The following TSHR variants were observed in gnomAD, a reference collection of about 807,000 sequenced individuals.
TSHR encodes the protein thyroid stimulating hormone receptor, also known as thyrotropin receptor.
Under a neutral mutation model 64.1 loss-of-function variants are expected in TSHR, and 51 were observed. That is an observed-to-expected ratio of 0.80 (90% CI 0.64 to 1.01). TSHR has a LOEUF of 1.01. Ranked by LOEUF, TSHR falls within the 50% of genes least tolerant of loss-of-function variation. The probability of loss-of-function intolerance (pLI) is 0.00; values close to 1 mark genes in which losing one functional copy is unlikely to be tolerated. For synonymous variants in TSHR, 361 were observed against 361.9 expected, an observed-to-expected ratio of 1.00 and a Z score of 0.03; for missense variants, 877 against 942.8, an observed-to-expected ratio of 0.93 and a Z score of 0.91.
At chr14:81,096,134 T>C (rs1889171514) in intron 6 of TSHR, among the ~76,000 whole-genome samples, 1 of 152,030 alleles carries the variant, frequency 6.6e-6, no homozygotes, top group Non-Finnish European at 1.5e-5. Flanking sequence ...CCCATAACCC[T>C]TAAACATTTA....
At chr14:81,085,643 T>G (rs990141119) in intron 3 of TSHR, among the ~76,000 whole-genome samples, 6 of 152,206 alleles carry the variant, frequency 3.9e-5, no homozygotes, top group Non-Finnish European at 7.3e-5. Context: ...CCAGGTGGGC[T>G]GCATTTTCTT....
At chr14:81,068,559 C>A in intron 3 of TSHR, 3 of 506,546 alleles carry the variant, frequency 5.9e-6, no homozygotes, top group Non-Finnish European at 1.1e-5. Flanking sequence ...GTTCTTGAAC[C>A]ACTATCTGTT....
At chr14:80,960,185 T>C (rs924410183) in intron 1 of TSHR, among the ~76,000 whole-genome samples, 2 of 152,230 alleles carry the variant, frequency 1.3e-5, no homozygotes, top group Admixed American at 6.5e-5. Flanking sequence ...CACTGTGTGA[T>C]TCACGGTTAT....
intron 2 of TSHR, among the ~76,000 whole-genome samples, chr14:81,064,597 T>C (rs1056451309): frequency 6.6e-6 from 1 of 152,078 alleles, no homozygotes; most frequent in Admixed American, 6.6e-5. Context: ...GGAGTTTCCA[T>C]TTGAATGGGA....
intron 8 of TSHR, among the ~76,000 whole-genome samples, chr14:81,125,165 C>A (rs1484424261): frequency 6.6e-6 from 1 of 152,148 alleles, no homozygotes; most frequent in Non-Finnish European, 1.5e-5. Context: ...CATGCCATTT[C>A]TAGTTAGGGT....
At chr14:81,042,099 C>T (rs895921773) in intron 1 of TSHR, among the ~76,000 whole-genome samples, 2 of 152,086 alleles carry the variant, frequency 1.3e-5, no homozygotes, top group Non-Finnish European at 2.9e-5. Flanking sequence ...TGAGATATCA[C>T]CTTGCCCCAA....
At chr14:81,010,885 G>A (rs1889865593) in intron 1 of TSHR, among the ~76,000 whole-genome samples, 1 of 149,080 alleles carries the variant, frequency 6.7e-6, no homozygotes, top group African/African-American at 2.5e-5. Flanking sequence ...ATCTTAAACT[G>A]AAGTTGGGTA....
chr14:81,054,451 T>A (rs1054718805), intron 1 of TSHR, among the ~76,000 whole-genome samples: 1 of 152,160 alleles, frequency 6.6e-6, no homozygotes, highest in Non-Finnish European at 1.5e-5. Flanking sequence ...TGGAACTGGG[T>A]AACAGGCAGA....
intron 1 of TSHR, chr14:80,981,957 A>T: frequency 3.4e-6 from 1 of 297,520 alleles, no homozygotes; most frequent in Non-Finnish European, 7.0e-6. Flanking sequence ...CAAGGACAAG[A>T]TGGACAGGGC....
chr14:80,962,113 C>A (rs1474333211), intron 1 of TSHR, among the ~76,000 whole-genome samples: 2 of 152,126 alleles, frequency 1.3e-5, no homozygotes, highest in African/African-American at 4.8e-5. Context: ...GTTTCTCCAT[C>A]TATAAAAAAA....
intron 1 of TSHR, among the ~76,000 whole-genome samples, chr14:80,989,023 A>G (rs1266915900): frequency 6.6e-6 from 1 of 152,196 alleles, no homozygotes; most frequent in Non-Finnish European, 1.5e-5. Context: ...ATTTCTGTCT[A>G]GTTGTCTGGG....
intron 1 of TSHR, among the ~76,000 whole-genome samples, chr14:81,045,819 A>G (rs557605239): frequency 1.3e-5 from 2 of 152,358 alleles, no homozygotes; most frequent in South Asian, 4.1e-4. Flanking sequence ...AAAATATAAA[A>G]GTTTAAAACA....
At chr14:81,137,833 A>G (rs1891515327) in intron 8 of TSHR, among the ~76,000 whole-genome samples, 1 of 152,236 alleles carries the variant, frequency 6.6e-6, no homozygotes, top group African/African-American at 2.4e-5. Context: ...GAACACACAC[A>G]ATCAGTGTAT....
intron 1 of TSHR, among the ~76,000 whole-genome samples, chr14:80,967,283 A>ATTTTT (rs35619720): frequency 8.9e-6 from 1 of 111,872 alleles, no homozygotes; most frequent in Admixed American, 1.0e-4. Context: ...CCTGACTTAC[A>ATTTTT]TTTTTTTTTT....
intron 1 of TSHR, among the ~76,000 whole-genome samples, chr14:81,056,458 C>T (rs143446482): frequency 9.9e-5 from 15 of 152,022 alleles, no homozygotes; most frequent in African/African-American, 2.4e-4. Flanking sequence ...TTATATACAC[C>T]GAAGTATATA....
intron 1 of TSHR, among the ~76,000 whole-genome samples, chr14:81,024,214 A>G (rs149485566): frequency 6.8e-4 from 104 of 151,834 alleles, no homozygotes; most frequent in Non-Finnish European, 1.1e-3. Flanking sequence ...TTTTTTTCAA[A>G]TAATAATAGA....
In TSHR at chr14:81,142,957, T is replaced by G; in HGVS notation, c.899T>G (p.Met300Arg). The part of the protein sequence containing the change: ...KKIRGILESL[M>R]CNESSMQSLR... ...CCTTGCAGAATCCTTGAGTCCTTGATGTGTAATGAGAGCAGTATGCAGAGC... is the reference window on the plus strand; with the variant it reads ...CCTTGCAGAATCCTTGAGTCCTTGAGGTGTAATGAGAGCAGTATGCAGAGC... The change falls in exon 10 of 10, where the codon ATG becomes AGG. Residue 300 changes from methionine to arginine, a missense_variant. Transcript: ENST00000298171. 1.2e-6 allele frequency: 2 copies of G among 1,614,180 alleles called. No individual in the cohort carries two copies. Among genetic ancestry groups the G allele is most frequent in the Middle Eastern group, 1.6e-4 (1 of 6,062 alleles).
At chr14:81,120,356 G>A (rs377017377) in intron 8 of TSHR, among the ~76,000 whole-genome samples, 4 of 152,054 alleles carry the variant, frequency 2.6e-5, no homozygotes, top group East Asian at 1.9e-4. Context: ...CATGAAAAAC[G>A]TCAATGTCTT....
chr14:81,114,286 G>C (rs1337482605), intron 8 of TSHR, among the ~76,000 whole-genome samples: 1 of 152,146 alleles, frequency 6.6e-6, no homozygotes, highest in East Asian at 1.9e-4. Flanking sequence ...TCTCACTAGG[G>C]AGTGCCAGAC....
Sources: gnomAD v4.1 joint callset for allele counts (sites outside exome capture counted in the v4.1 genomes callset) on GRCh38, gnomAD v4.1.1 for gene constraint, MANE v1.5 for transcripts, NCBI Gene and HGNC (gene_info 2026-07-23, HGNC 2026-07-21) for gene names.